The following CDH26 variants were observed in gnomAD, a reference collection of about 807,000 sequenced individuals.
CDH26 encodes the protein cadherin-like protein 26.
CDH26 carries 83 observed loss-of-function variants against 90.3 expected under a neutral mutation model. The ratio of observed to expected loss-of-function variants is 0.92; its 90% CI spans 0.77 to 1.10. CDH26 has a LOEUF of 1.10. Among genes scored for constraint, CDH26 ranks in the 50% least tolerant of loss-of-function variants. The pLI is 0.00. For synonymous variants in CDH26, 397 were observed against 396.3 expected, an observed-to-expected ratio of 1.00 and a Z score of -0.02; for missense variants, 1,013 against 1,037.6, an observed-to-expected ratio of 0.98 and a Z score of 0.33.
rs770232796 is a variant in CDH26, at chr20:59,987,551, A to G, written c.936A>G (p.Lys312=). 12 of 1,614,062 alleles carry G rather than the reference A, an allele frequency of 7.4e-6. No homozygotes were observed. Among genetic ancestry groups the G allele is most frequent in the Non-Finnish European group, 8.5e-6 (10 of 1,179,986 alleles). ...DSPFTSAWRA[K]FNILHGNEEG... is the part of the protein sequence containing the mutation. ...CATTTACATCAGCTTGGAGAGCAAA[A>G]TTCAACATATTGCATGGCAATGAAG... Residue 312 remains lysine (K), a synonymous_variant, in exon 8 of 18, where the codon AAA becomes AAG. Coordinates refer to ENST00000348616, the MANE Select transcript of CDH26 (RefSeq NM_177980.4).
At chr20:60,024,430 C>T (rs1215699370) in intron 7 of CDH26, among the ~76,000 whole-genome samples, 1 of 152,238 alleles carries the variant, frequency 6.6e-6, no homozygotes, top group Non-Finnish European at 1.5e-5. Flanking sequence ...CAGCCTCCAA[C>T]TACCAAGTGA....
chr20:59,969,986 C>T (rs1289379417), intron 2 of CDH26, 96 bp from the exon 3 acceptor site: 6 of 1,485,330 alleles, frequency 4.0e-6, no homozygotes, highest in Middle Eastern at 1.8e-4. Context: ...GGCCAGGTGT[C>T]AGCACAGGGC....
At chr20:60,026,953 G>A (rs2062002465) in intron 7 of CDH26, among the ~76,000 whole-genome samples, 1 of 152,230 alleles carries the variant, frequency 6.6e-6, no homozygotes, top group Admixed American at 6.5e-5. Context: ...AGTGCTCACT[G>A]AGTGAATGAG....
chr20:59,999,761 TC>T, intron 14 of CDH26, 98 bp downstream of exon 14: 2 of 1,091,954 alleles, frequency 1.8e-6, no homozygotes, highest in South Asian at 1.3e-5. Context: ...CAGTGCCACA[TC>T]CAGGGAGGTT....
chr20:60,018,725 TTTTTTTTTTTTG>T (rs1206624257), downstream of CDH26, among the ~76,000 whole-genome samples: 8 of 133,530 alleles, frequency 6.0e-5, no homozygotes, highest in African/African-American at 1.1e-4. Flanking sequence ...TTTTTTTTTT[TTTTTTTTTTTTG>T]CAGTTGGGTG....
In CDH26 at chr20:60,030,306, A is replaced by G. The variant is rs759185807; in HGVS notation, c.948-925A>G. Among the ~76,000 whole-genome samples the G allele has an allele frequency of 6.6e-6, 1 of 152,174 alleles. No homozygotes were observed. The highest frequency in any genetic ancestry group is 1.5e-5 in the Non-Finnish European group (1 of 68,032). The stretch of plus-strand genomic sequence containing the variant: ...GAGTTCTCCAGAGCCTCAGCATTCC[A>G]GGACATCAGGGTGATTTGAAGTCAA... On this transcript the variant is annotated intron_variant, in intron 7 of 8. Transcript: ENST00000370991. The surrounding 1 kb of genome is among the most constrained non-coding windows in gnomAD (Gnocchi z 4.0).
In CDH26 at chr20:59,984,763, C is replaced by T. The variant is rs1601135203; in HGVS notation, c.666C>T (p.Arg222=). The change falls in exon 6 of 18, where the codon CGC becomes CGT. Residue 222 remains arginine (R), a synonymous_variant. Transcript: ENST00000348616. ...LLKESGFRVD[R]LSGEIRLSGC... is the part of the protein sequence containing the mutation. The stretch of plus-strand genomic sequence containing the variant: ...AAGAAAGTGGTTTCCGGGTTGATCG[C>T]CTTAGTGGAGAAATACGACTCTCTG... 1 of 1,613,272 alleles carries T rather than the reference C, an allele frequency of 6.2e-7. No homozygotes were observed. The highest frequency in any genetic ancestry group is 2.2e-5 in the East Asian group (1 of 44,874).
chr20:59,972,704 G>A (rs541513029), intron 4 of CDH26, among the ~76,000 whole-genome samples: 2 of 152,300 alleles, frequency 1.3e-5, no homozygotes, highest in Admixed American at 1.3e-4. Context: ...GAAGTCCTTA[G>A]GTAGTCAAAC....
In CDH26 at chr20:60,014,528, C is replaced by T. The variant is rs946190384; in HGVS notation, c.*1798C>T. On this transcript the variant is annotated 3_prime_UTR_variant, in exon 18 of 18. Coordinates refer to ENST00000348616, the MANE Select transcript of CDH26 (RefSeq NM_177980.4). ...CCGAGATAAACTTGGTTTTAGCTTC[C>T]ACATATGTGTGAGGACATGTGATTT... 7 of 152,132 alleles carry T rather than the reference C, an allele frequency of 4.6e-5. No individual in the cohort carries two copies. Among genetic ancestry groups the T allele is most frequent in the African/African-American group, 1.4e-4 (6 of 41,404 alleles). 9.4% of individuals were successfully genotyped at this position (152,132 alleles called of 1,614,324 possible). A position where few individuals can be genotyped will look rare whatever the true frequency, so the allele number is the denominator to read the frequency against.
rs2061869042 is a variant in CDH26, at chr20:60,013,073, G to A, written c.*343G>A. 5.7e-6 allele frequency: 1 copy of A among 175,538 alleles called. No homozygotes were observed. Among genetic ancestry groups the A allele is most frequent in the Non-Finnish European group, 1.2e-5 (1 of 83,716 alleles). 10.9% of individuals were successfully genotyped at this position (175,538 alleles called of 1,614,324 possible). Reference sequence around the variant, plus strand: ...TTACCCAGCCACTTGGGAACAGCAGGTAATACTGAAGAAAAATAAAAATAG... The same window carrying A: ...TTACCCAGCCACTTGGGAACAGCAGATAATACTGAAGAAAAATAAAAATAG... On this transcript the variant is annotated 3_prime_UTR_variant, in exon 18 of 18. Transcript: ENST00000348616.
intron 7 of CDH26, among the ~76,000 whole-genome samples, chr20:60,022,939 G>A (rs2061969319): frequency 6.6e-6 from 1 of 152,228 alleles, no homozygotes; most frequent in South Asian, 2.1e-4. Flanking sequence ...GATTCTTGCT[G>A]TGCACTTGCC....
intron 8 of CDH26, 43 bp downstream of exon 8, chr20:59,987,681 G>A (rs1436355616): frequency 8.6e-6 from 13 of 1,517,166 alleles, no homozygotes; most frequent in South Asian, 3.7e-5. Context: ...AGTGGCAGAC[G>A]CTGAGGCCTC....
Position 59,988,918 on chromosome 20 carries a change from G to T in CDH26, c.1038G>T (p.Glu346Asp). The T allele has an allele frequency of 6.2e-7, 1 of 1,614,060 alleles. No individual in the cohort carries two copies. The highest frequency in any genetic ancestry group is 1.7e-4 in the Middle Eastern group (1 of 6,028). The change falls in exon 9 of 18, where the codon GAG becomes GAT. Residue 346 changes from glutamate (E) to aspartate (D), a missense_variant. Glu to Asp is a conservative substitution (Grantham distance 45). Coordinates refer to ENST00000348616, the MANE Select transcript of CDH26 (RefSeq NM_177980.4). ...ILNVIKPLDY[E>D]TRPAQSLIIV... Reference sequence around the variant, plus strand: ...TGGGGTTCCAGCCTTTGGATTATGAGACTCGCCCAGCGCAAAGCCTCATCA... The same window carrying T: ...TGGGGTTCCAGCCTTTGGATTATGATACTCGCCCAGCGCAAAGCCTCATCA...
intron 4 of CDH26, among the ~76,000 whole-genome samples, chr20:59,981,577 G>A (rs118180077): frequency 0.014 from 2,079 of 152,088 alleles, 24 homozygotes; most frequent in Non-Finnish European, 0.022. Context: ...ATTGATTTTC[G>A]AAAGTTGAAT....
intron 1 of CDH26, among the ~76,000 whole-genome samples, chr20:59,967,379 G>A (rs540047128): frequency 1.3e-5 from 2 of 152,290 alleles, no homozygotes; most frequent in African/African-American, 4.8e-5. Flanking sequence ...TAGGAAGACT[G>A]TATAACAAGA....
In CDH26 at chr20:59,995,999, G is replaced by A. The variant is rs1049863544; in HGVS notation, c.1833G>A (p.Val611=). The A allele has an allele frequency of 6.2e-7, 1 of 1,614,116 alleles. No individual in the cohort carries two copies. The highest frequency in any genetic ancestry group is 1.3e-5 in the African/African-American group (1 of 75,052). Residue 611 remains valine, a synonymous_variant, in exon 12 of 18, where the codon GTG becomes GTA. Coordinates refer to ENST00000348616, the MANE Select transcript of CDH26 (RefSeq NM_177980.4). ...GTGTGGAGCTTGCAGATGCAGAAGTGGGGCTTCATGTGGGGGCCCTGTTCC... is the reference window on the plus strand; with the variant it reads ...GTGTGGAGCTTGCAGATGCAGAAGTAGGGCTTCATGTGGGGGCCCTGTTCC... The part of the protein sequence containing the change: ...LTCVELADAE[V]GLHVGALFPV...
chr20:60,027,643 C>T (rs1430437936), intron 7 of CDH26, among the ~76,000 whole-genome samples: 1 of 152,076 alleles, frequency 6.6e-6, no homozygotes, highest in Non-Finnish European at 1.5e-5. Context: ...GACGAACGCA[C>T]TCAACTGTGT....
chr20:59,975,303 AGAATGCCAG>A (rs2145977826), intron 4 of CDH26, among the ~76,000 whole-genome samples: 1 of 152,284 alleles, frequency 6.6e-6, no homozygotes, highest in Admixed American at 6.5e-5. Context: ...GACGCAGAGG[AGAATGCCAG>A]GTGAAGGTGG....
intron 14 of CDH26, among the ~76,000 whole-genome samples, chr20:60,000,653 G>A (rs116993538): frequency 1.1e-3 from 167 of 152,296 alleles, no homozygotes; most frequent in African/African-American, 1.9e-3. Context: ...TGTGGTAGGG[G>A]CAATCTTGCT....
Sources: gnomAD v4.1 joint callset for allele counts (sites outside exome capture counted in the v4.1 genomes callset) on GRCh38, gnomAD v4.1.1 for gene constraint, Gnocchi (gnomAD v3.1) non-coding constraint, MANE v1.5 for transcripts, NCBI Gene and HGNC (gene_info 2026-07-23, HGNC 2026-07-21) for gene names.